Variants in ZMAT3 observed in about 807,000 individuals in gnomAD.
ZMAT3 encodes zinc finger matrin-type 3.
In ZMAT3, 17 loss-of-function variants were observed where a neutral mutation model predicts 32.3. The observed-to-expected ratio is 0.53, with a 90% CI of 0.36 to 0.79. The LOEUF is 0.79. ZMAT3 is among the 30% of genes least tolerant of loss of function. The pLI is 0.00. For missense variants in ZMAT3, 329 were observed against 359.7 expected, an observed-to-expected ratio of 0.91 and a Z score of 0.69; for synonymous variants, 120 against 133.1, an observed-to-expected ratio of 0.90 and a Z score of 0.68.
chr3:179,049,227 G>T (rs943060413), intron 2 of ZMAT3, among the ~76,000 whole-genome samples: 1 of 152,142 alleles, frequency 6.6e-6, no homozygotes, highest in African/African-American at 2.4e-5. Context: ...ATAATTGTGG[G>T]GGACTTCAAT....
intron 2 of ZMAT3, among the ~76,000 whole-genome samples, chr3:179,038,861 A>G (rs569285244): frequency 6.6e-6 from 1 of 152,324 alleles, no homozygotes; most frequent in Admixed American, 6.5e-5. Context: ...CTGCCCAAAT[A>G]CTGCGCTTTT....
At chr3:179,030,354 CTT>C (rs1230618538) in intron 3 of ZMAT3, among the ~76,000 whole-genome samples, 28 of 131,994 alleles carry the variant, frequency 2.1e-4, no homozygotes, top group East Asian at 2.2e-4. Flanking sequence ...CCCAGAATTT[CTT>C]TTTTTTTTTT....
At chr3:179,071,009 T>C (rs1721681325) in intron 1 of ZMAT3, among the ~76,000 whole-genome samples, 1 of 151,682 alleles carries the variant, frequency 6.6e-6, no homozygotes, top group Non-Finnish European at 1.5e-5. Context: ...ATTCTGGAAA[T>C]GAGGGAAAGG....
rs747363558 is a variant in ZMAT3, at chr3:179,067,784, G to C, written c.-32C>G. ...GGGAAGCCTGGGGCATAATCCAGTGGGTGATGAGAAGCAAGGTCTTCAAAT... is the reference window on the plus strand; with the variant it reads ...GGGAAGCCTGGGGCATAATCCAGTGCGTGATGAGAAGCAAGGTCTTCAAAT... On this transcript the variant is annotated 5_prime_UTR_variant, in exon 2 of 6. Transcript: ENST00000311417. 2.5e-6 allele frequency: 4 copies of C among 1,606,396 alleles called. No homozygotes were observed. The African/African-American group carries it at 4.0e-5, about 16-fold the overall frequency.
intron 2 of ZMAT3, among the ~76,000 whole-genome samples, chr3:179,044,083 G>T (rs1720096304): frequency 1.3e-5 from 2 of 152,302 alleles, no homozygotes; most frequent in South Asian, 4.1e-4. Flanking sequence ...ACAAATGCTG[G>T]AGAGGATGTG....
intron 3 of ZMAT3, among the ~76,000 whole-genome samples, chr3:179,030,518 C>G (rs1002550997): frequency 1.3e-5 from 2 of 152,042 alleles, no homozygotes; most frequent in African/African-American, 4.8e-5. Flanking sequence ...CCACGCCTGG[C>G]TAATTTTCTG....
At chr3:179,052,540 A>G (rs563782846) in intron 2 of ZMAT3, among the ~76,000 whole-genome samples, 6 of 152,326 alleles carry the variant, frequency 3.9e-5, no homozygotes, top group African/African-American at 1.4e-4. Context: ...CTTTTACACT[A>G]TTGTTAGGAA....
chr3:179,045,033 AAAT>A (rs751315394), intron 2 of ZMAT3, among the ~76,000 whole-genome samples: 27 of 151,902 alleles, frequency 1.8e-4, no homozygotes, highest in South Asian at 8.3e-4. Context: ...GTATAATAAA[AAAT>A]AATAATAATA....
chr3:179,036,148 A>G (rs1213044539), intron 2 of ZMAT3, among the ~76,000 whole-genome samples: 2 of 152,220 alleles, frequency 1.3e-5, no homozygotes, highest in East Asian at 3.8e-4. Context: ...TGTATTTGAT[A>G]AAGATGAGCA....
At chr3:179,035,477 A>T (rs1444982051) in intron 2 of ZMAT3, among the ~76,000 whole-genome samples, 1 of 151,904 alleles carries the variant, frequency 6.6e-6, no homozygotes. Context: ...ACTGGACCTC[A>T]CTCACTCTCA....
At chr3:179,026,623 T>C (rs975029256) in intron 5 of ZMAT3, among the ~76,000 whole-genome samples, 3 of 152,060 alleles carry the variant, frequency 2.0e-5, no homozygotes, top group African/African-American at 7.2e-5. Flanking sequence ...TGACCTCAGG[T>C]GATCCACCTA....
chr3:179,065,169 C>A (rs953871352), intron 2 of ZMAT3, among the ~76,000 whole-genome samples: 2 of 152,120 alleles, frequency 1.3e-5, no homozygotes, highest in African/African-American at 2.4e-5. Context: ...ACTTGCTTGC[C>A]TCTTTTCTTT....
In ZMAT3 at chr3:179,030,964, ATAG is replaced by A; in HGVS notation, c.303_305del (p.Tyr102del). 1.9e-6 allele frequency: 3 copies of A among 1,613,694 alleles called. No individual in the cohort carries two copies. The South Asian group carries it at 3.3e-5, about 18-fold the overall frequency. ...CAGGAGGAGGACAGCTATTTGCTGC[ATAG>A]TAATTTCGGAGTTTCTTACCATGAT... On this transcript the variant is annotated inframe_deletion, in exon 3 of 6. Transcript: ENST00000311417.
rs6804084 is a variant in ZMAT3 at position 179,024,256 on chromosome 3, T to C, written c.*761A>G. 0.82 allele frequency: 125,365 copies of C among 152,062 alleles called. 52,189 individuals carry two copies. The highest frequency in any genetic ancestry group is 0.94 in the East Asian group (4,849 of 5,162). The allele number at this position is 152,062 out of a possible 1,614,324, so 9.4% of individuals were successfully genotyped here. Reference sequence around the variant, plus strand: ...TTGGGAGTATTTGAATTCAAGAAAATTTGCGCTTCAATGATGGGGAGACAT... The same window carrying C: ...TTGGGAGTATTTGAATTCAAGAAAACTTGCGCTTCAATGATGGGGAGACAT... On this transcript the variant is annotated 3_prime_UTR_variant, in exon 6 of 6. Coordinates refer to ENST00000311417, the MANE Select transcript of ZMAT3 (RefSeq NM_022470.4).
chr3:179,056,331 AG>A (rs145326075), intron 2 of ZMAT3, among the ~76,000 whole-genome samples: 593 of 151,462 alleles, frequency 3.9e-3, no homozygotes, highest in African/African-American at 0.013. Context: ...TAAAAAAAAA[AG>A]GGGGGGTCCA....
chr3:179,039,632 A>G (rs1463871267), intron 2 of ZMAT3, among the ~76,000 whole-genome samples: 2 of 152,226 alleles, frequency 1.3e-5, no homozygotes, highest in African/African-American at 2.4e-5. Context: ...GAGAAACCAG[A>G]GCAGAAAAGC....
intron 1 of ZMAT3, among the ~76,000 whole-genome samples, chr3:179,068,036 C>T (rs963219298): frequency 7.2e-5 from 11 of 152,140 alleles, no homozygotes; most frequent in African/African-American, 2.7e-4. Context: ...CTTTATTTTG[C>T]TTGGCACAGT....
chr3:179,037,670 C>G (rs954259607), intron 2 of ZMAT3, among the ~76,000 whole-genome samples: 5 of 152,142 alleles, frequency 3.3e-5, no homozygotes, highest in African/African-American at 1.2e-4. Flanking sequence ...GGAAAAAAAG[C>G]CAGTGTGCCA....
At chr3:179,039,788 A>AAGGAGCATGTTCGAACCC (rs1719814203) in intron 2 of ZMAT3, among the ~76,000 whole-genome samples, 1 of 152,200 alleles carries the variant, frequency 6.6e-6, no homozygotes, top group Admixed American at 6.5e-5. Flanking sequence ...CTCCAAGCTA[A>AAGGAGCATGTTCGAACCC]AGGAGCATGT....
Sources: allele counts gnomAD v4.1 joint callset (sites outside exome capture counted in the v4.1 genomes callset), GRCh38; gene constraint gnomAD v4.1.1; transcripts MANE v1.5; gene names NCBI Gene and HGNC (gene_info 2026-07-23, HGNC 2026-07-21).